Variants in TMOD3 observed in about 807,000 individuals in gnomAD.
TMOD3 encodes the protein tropomodulin 3.
Under a neutral mutation model 39.2 loss-of-function variants are expected in TMOD3, and 20 were observed. That is an observed-to-expected ratio of 0.51 (90% confidence interval 0.36 to 0.74). TMOD3 has a LOEUF of 0.74. Among genes scored for constraint, TMOD3 ranks in the 30% least tolerant of loss-of-function variants. The pLI is 0.00. For missense variants in TMOD3, 381 were observed against 412.8 expected (o/e 0.92, Z 0.67); for synonymous variants, 143 against 145.8 (o/e 0.98, Z 0.14).
chr15:51,879,765 G>C (rs562170977), intron 3 of TMOD3, among the ~76,000 whole-genome samples: 17 of 151,386 alleles, frequency 1.1e-4, no homozygotes, highest in African/African-American at 3.4e-4. Context: ...TGAGTTTAAG[G>C]AACACTGACA....
intron 4 of TMOD3, among the ~76,000 whole-genome samples, chr15:51,888,029 A>G (rs1023216337): frequency 6.6e-6 from 1 of 152,220 alleles, no homozygotes; most frequent in Non-Finnish European, 1.5e-5. Flanking sequence ...TCCTATCTGA[A>G]CACCGAAAAA....
intron 3 of TMOD3, among the ~76,000 whole-genome samples, chr15:51,881,088 G>A (rs1404775440): frequency 6.6e-6 from 1 of 152,028 alleles, no homozygotes. Flanking sequence ...TTCATGTATT[G>A]TTAGACTCGT....
chr15:51,832,230 T>TATATATATATATATATA lies in TMOD3; in HGVS notation c.-75+2396_-75+2397insATATATATATATATAAT, dbSNP rs1450593296. Among the ~76,000 whole-genome samples, 95 of 136,610 alleles carry TATATATATATATATATA rather than the reference T, an allele frequency of 7.0e-4. 2 individuals carry two copies. The highest frequency in any genetic ancestry group is 2.5e-3 in the African/African-American group (92 of 36,152). 89.6% of individuals were successfully genotyped at this position (136,610 alleles called of 152,430 possible). Reference sequence around the variant, plus strand: ...ATATATATATATATATATATATATATATGAATGACATGGTTCCTGTCTAGG... The same window carrying TATATATATATATATATA: ...ATATATATATATATATATATATATATATATATATATATATATAATGAATGACATGGTTCCTGTCTAGG... On this transcript the variant is annotated intron_variant, in intron 1 of 9. Transcript: ENST00000308580.
intron 3 of TMOD3, among the ~76,000 whole-genome samples, chr15:51,881,587 GT>G (rs2056534770): frequency 6.3e-5 from 5 of 78,998 alleles, no homozygotes; most frequent in African/African-American, 2.7e-4. Context: ...TTGAGACAGA[GT>G]TTTGCTCTTG....
chr15:51,862,372 T>C (rs2056423618), intron 1 of TMOD3, among the ~76,000 whole-genome samples: 1 of 152,226 alleles, frequency 6.6e-6, no homozygotes, highest in Non-Finnish European at 1.5e-5. Flanking sequence ...TGGAATGTAT[T>C]GCTATCCCCC....
rs563726162 is a variant in TMOD3, at chr15:51,910,685, T to C, written c.*1875T>C. The C allele has an allele frequency of 2.6e-5, 4 of 152,250 alleles. No individual in the cohort carries two copies. In the East Asian group the frequency reaches 7.7e-4, roughly 29 times the overall value. 9.4% of individuals were successfully genotyped at this position (152,250 alleles called of 1,614,324 possible). ...AAGCAAGGCAGCTTCTTGTGTGCTATGGTAATAAGCCTTCTTAACAGGCTA... is the reference window on the plus strand; with the variant it reads ...AAGCAAGGCAGCTTCTTGTGTGCTACGGTAATAAGCCTTCTTAACAGGCTA... On this transcript the variant is annotated 3_prime_UTR_variant, in exon 10 of 10. Transcript: ENST00000308580.
At chr15:51,846,934 GT>G (rs543277900) in intron 1 of TMOD3, among the ~76,000 whole-genome samples, 53 of 152,246 alleles carry the variant, frequency 3.5e-4, no homozygotes, top group African/African-American at 1.2e-3. Flanking sequence ...TATGCTAAGG[GT>G]GTGGCTATTT....
rs866165496 is a variant in TMOD3, at chr15:51,897,482, A to T, written c.735+956A>T. On this transcript the variant is annotated intron_variant, in intron 7 of 9. Transcript: ENST00000308580. ...TTGCTCAGGCAAACAAAAAAAAAAA[A>T]TTTTTTTTTTTTTTTTTTTTGAGAC... 1.5e-3 allele frequency among the ~76,000 whole-genome samples: 169 copies of T among 113,054 alleles called. 4 individuals are homozygous for T. Among genetic ancestry groups the T allele is most frequent in the East Asian group, 9.7e-3 (37 of 3,824 alleles). The allele number at this position is 113,054 out of a possible 152,430, so 74.2% of individuals were successfully genotyped here. A position where few individuals can be genotyped will look rare whatever the true frequency, so the allele number is the denominator to read the frequency against.
intron 8 of TMOD3, 39 bp downstream of exon 8, chr15:51,900,337 C>T: frequency 6.2e-7 from 1 of 1,610,770 alleles, no homozygotes; most frequent in Non-Finnish European, 8.5e-7. Context: ...GAAGCTACAG[C>T]CCACGCTGCT....
At chr15:51,863,054 T>C (rs1192041336) in intron 2 of TMOD3, 44 bp downstream of exon 2, 1 of 1,583,978 alleles carries the variant, frequency 6.3e-7, no homozygotes, top group Admixed American at 1.8e-5. Flanking sequence ...CTTTTCGAAT[T>C]CTTTGAAACT....
chr15:51,902,647 T>TG (rs1326548254), intron 9 of TMOD3, among the ~76,000 whole-genome samples: 1 of 74,774 alleles, frequency 1.3e-5, no homozygotes, highest in African/African-American at 5.2e-5. Context: ...TTTTTGTATT[T>TG]TTTTTTTTTT....
intron 3 of TMOD3, among the ~76,000 whole-genome samples, chr15:51,883,735 G>A (rs1460818945): frequency 6.6e-6 from 1 of 152,272 alleles, no homozygotes; most frequent in African/African-American, 2.4e-5. Context: ...CATCTCTAGA[G>A]TGGGGCTTGG....
intron 7 of TMOD3, among the ~76,000 whole-genome samples, chr15:51,897,322 C>T (rs1259667187): frequency 1.3e-5 from 2 of 151,944 alleles, no homozygotes; most frequent in Non-Finnish European, 2.9e-5. Flanking sequence ...TATTCATGTC[C>T]AGCTACCTCC....
At position 51,863,131 on chromosome 15, in the gene TMOD3, C is replaced by G. The variant is rs1402284942; in HGVS notation, c.126+121C>G. The G allele has an allele frequency of 3.0e-6, 3 of 1,010,548 alleles. No individual in the cohort carries two copies. The Admixed American group carries it at 8.1e-5, about 27-fold the overall frequency. The allele number at this position is 1,010,548 out of a possible 1,614,324, so 62.6% of individuals were successfully genotyped here. On this transcript the variant is annotated intron_variant, in intron 2 of 9. Transcript: ENST00000308580. ...CCTTCCACCCTTTCCTCCACTTTAT[C>G]CAAATCAAGTTGCTTTTGGCTCTCT...
chr15:51,856,225 T>C (rs2056387091), intron 1 of TMOD3, among the ~76,000 whole-genome samples: 1 of 152,256 alleles, frequency 6.6e-6, no homozygotes, highest in Non-Finnish European at 1.5e-5. Context: ...ATTGCACCAC[T>C]GTACTCCAGC....
At chr15:51,834,895 G>T (rs2056274613) in intron 1 of TMOD3, 1 of 152,114 alleles carries the variant, frequency 6.6e-6, no homozygotes, top group African/African-American at 2.4e-5. Context: ...ATCTTAGCGT[G>T]TCAGCTGAGC....
At chr15:51,839,159 A>G (rs1311366151) in intron 1 of TMOD3, among the ~76,000 whole-genome samples, 1 of 78,162 alleles carries the variant, frequency 1.3e-5, no homozygotes, top group Non-Finnish European at 2.9e-5. Flanking sequence ...AAATAGGTGT[A>G]TCTCTCTTTT....
intron 7 of TMOD3, among the ~76,000 whole-genome samples, chr15:51,897,781 C>CAAAAAAAAA (rs35282838): frequency 2.7e-5 from 3 of 111,050 alleles, no homozygotes; most frequent in African/African-American, 3.4e-5. Context: ...CCACGCCCAG[C>CAAAAAAAAA]AAAAAAAAAA....
chr15:51,887,661 TAGA>T lies in TMOD3; in HGVS notation c.362_364del (p.Glu121del). The T allele has an allele frequency of 6.2e-7, 1 of 1,614,058 alleles. No individual in the cohort carries two copies. Among genetic ancestry groups the T allele is most frequent in the Non-Finnish European group, 8.5e-7 (1 of 1,179,990 alleles). On this transcript the variant is annotated inframe_deletion, in exon 4 of 10. Transcript: ENST00000308580. Reference sequence around the variant, plus strand: ...GAAAAAGTGTCTCTTGATCCAGAATTAGAAGAAGCTTTGACAAGTGCTTCTGAT... The same window carrying T: ...GAAAAAGTGTCTCTTGATCCAGAATTAGAAGCTTTGACAAGTGCTTCTGAT...
Sources: gnomAD v4.1 joint callset for allele counts (sites outside exome capture counted in the v4.1 genomes callset) on GRCh38, gnomAD v4.1.1 for gene constraint, MANE v1.5 for transcripts, NCBI Gene and HGNC (gene_info 2026-07-23, HGNC 2026-07-21) for gene names.